The following FBXL13 variants were observed in gnomAD, a reference collection of about 807,000 sequenced individuals.
FBXL13 encodes the protein F-box and leucine rich repeat protein 13.
In FBXL13, 67 loss-of-function variants were observed where a neutral mutation model predicts 83.6. The ratio of observed to expected loss-of-function variants is 0.80; its 90% CI spans 0.66 to 0.98. The LOEUF (loss-of-function observed/expected upper bound fraction) is 0.98. Among genes scored for constraint, FBXL13 ranks in the 50% least tolerant of loss-of-function variants. The pLI is 0.00. For missense variants in FBXL13, 822 were observed against 866.5 expected (o/e 0.95, Z 0.64); for synonymous variants, 272 against 299.5 (o/e 0.91, Z 0.95).
At chr7:103,019,492 A>T (rs1170166958) in intron 6 of FBXL13, among the ~76,000 whole-genome samples, 1 of 152,226 alleles carries the variant, frequency 6.6e-6, no homozygotes, top group Non-Finnish European at 1.5e-5. Context: ...ACTGAAGGAG[A>T]TAGAGACACA....
chr7:102,944,072 AAAAG>A (rs1230633205), intron 8 of FBXL13: 2 of 674,752 alleles, frequency 3.0e-6, no homozygotes, highest in Non-Finnish European at 4.7e-6. Flanking sequence ...AGCTCTGAGA[AAAAG>A]AAAGGAAAAG....
chr7:102,811,473 G>A (rs1283273726), downstream of FBXL13, among the ~76,000 whole-genome samples: 1 of 152,162 alleles, frequency 6.6e-6, no homozygotes, highest in African/African-American at 2.4e-5. Context: ...TTATGTAGCT[G>A]TAAAATTTGT....
At chr7:102,998,135 G>A (rs1790007351) in intron 6 of FBXL13, among the ~76,000 whole-genome samples, 1 of 152,126 alleles carries the variant, frequency 6.6e-6, no homozygotes, top group Admixed American at 6.5e-5. Flanking sequence ...GCATTTCCCT[G>A]ATGATTCGTG....
intron 8 of FBXL13, among the ~76,000 whole-genome samples, chr7:102,959,332 T>G (rs1239220638): frequency 6.9e-6 from 1 of 145,764 alleles, no homozygotes; most frequent in Admixed American, 6.7e-5. Flanking sequence ...CATTAAATTC[T>G]ATCTATTTGC....
At chr7:102,826,099 T>C (rs1799579293) in intron 18 of FBXL13, among the ~76,000 whole-genome samples, 1 of 152,206 alleles carries the variant, frequency 6.6e-6, no homozygotes, top group Admixed American at 6.5e-5. Flanking sequence ...ACTGTTGGCT[T>C]TCAGTTTGCT....
intron 6 of FBXL13, among the ~76,000 whole-genome samples, chr7:102,989,762 C>G (rs1269520384): frequency 6.6e-6 from 1 of 152,218 alleles, no homozygotes; most frequent in Non-Finnish European, 1.5e-5. Flanking sequence ...TTCCATCTCT[C>G]TATTTCTCAA....
At chr7:102,849,592 A>C (rs1584612611) in intron 17 of FBXL13, among the ~76,000 whole-genome samples, 2 of 152,352 alleles carry the variant, frequency 1.3e-5, no homozygotes, top group East Asian at 3.9e-4. Flanking sequence ...CAGATAATCT[A>C]AACATCTCAA....
chr7:102,817,152 A>G (rs558921500), intron 19 of FBXL13, among the ~76,000 whole-genome samples: 1 of 152,272 alleles, frequency 6.6e-6, no homozygotes, highest in Non-Finnish European at 1.5e-5. Context: ...TGAAATGGTA[A>G]TTCTATTTTA....
chr7:103,065,965 C>T (rs1798354503), intron 1 of FBXL13, among the ~76,000 whole-genome samples: 1 of 152,250 alleles, frequency 6.6e-6, no homozygotes, highest in Admixed American at 6.5e-5. Context: ...GTCATGTGAA[C>T]AAGAAGTGAG....
chr7:102,923,203 A>T (rs1817426552), intron 10 of FBXL13, among the ~76,000 whole-genome samples: 1 of 152,308 alleles, frequency 6.6e-6, no homozygotes, highest in South Asian at 2.1e-4. Flanking sequence ...CTATTTCACA[A>T]TGTCGTGGCT....
At chr7:102,839,746 T>C (rs1415513571) in intron 17 of FBXL13, among the ~76,000 whole-genome samples, 5 of 152,168 alleles carry the variant, frequency 3.3e-5, no homozygotes, top group African/African-American at 4.8e-5. Context: ...GTGCCTGGCA[T>C]AGTAAAAATA....
chr7:102,925,888 C>G (rs1818022145), intron 10 of FBXL13, among the ~76,000 whole-genome samples: 1 of 147,872 alleles, frequency 6.8e-6, no homozygotes, highest in Non-Finnish European at 1.5e-5. Flanking sequence ...TTGCCATGAG[C>G]TAAGATCATG....
intron 10 of FBXL13, among the ~76,000 whole-genome samples, chr7:102,922,855 G>A (rs1817343784): frequency 6.6e-6 from 1 of 152,138 alleles, no homozygotes; most frequent in South Asian, 2.1e-4. Flanking sequence ...GTGGGTGCCT[G>A]TAGTCCCAGC....
intron 8 of FBXL13, among the ~76,000 whole-genome samples, chr7:102,959,347 C>T (rs1166336758): frequency 6.6e-6 from 1 of 152,080 alleles, no homozygotes; most frequent in Non-Finnish European, 1.5e-5. Context: ...ATTTGCACAA[C>T]CACTGTCTTG....
chr7:102,955,605 T>C (rs1326650326), intron 8 of FBXL13, among the ~76,000 whole-genome samples: 4 of 151,610 alleles, frequency 2.6e-5, no homozygotes, highest in African/African-American at 7.3e-5. Context: ...AGGAGTTTTT[T>C]TTTTAAAAAG....
chr7:103,014,068 C>A (rs1381927612), intron 6 of FBXL13, among the ~76,000 whole-genome samples: 1 of 152,124 alleles, frequency 6.6e-6, no homozygotes, highest in Non-Finnish European at 1.5e-5. Context: ...AACATACAAC[C>A]TCCAAAGATT....
chr7:103,007,087 T>C (rs1398878986), intron 6 of FBXL13, among the ~76,000 whole-genome samples: 3 of 152,046 alleles, frequency 2.0e-5, no homozygotes, highest in Non-Finnish European at 4.4e-5. Context: ...AGAAACTCAA[T>C]GACCTATGGG....
chr7:102,929,098 T>C (rs1476488286), intron 9 of FBXL13, among the ~76,000 whole-genome samples: 3 of 152,232 alleles, frequency 2.0e-5, no homozygotes, highest in African/African-American at 4.8e-5. Flanking sequence ...ATTTAAATGC[T>C]GACTCTGTGT....
At chr7:102,833,571 C>T (rs1467550558) in intron 17 of FBXL13, among the ~76,000 whole-genome samples, 1 of 150,348 alleles carries the variant, frequency 6.7e-6, no homozygotes, top group Non-Finnish European at 1.5e-5. Context: ...GGACTACAGG[C>T]GTGCACCACC....
Sources: allele counts gnomAD v4.1 joint callset (sites outside exome capture counted in the v4.1 genomes callset), GRCh38; gene constraint gnomAD v4.1.1; transcripts MANE v1.5; gene names NCBI Gene and HGNC (gene_info 2026-07-23, HGNC 2026-07-21).